The following DNAJC15 variants were observed in gnomAD, a reference collection of about 807,000 sequenced individuals.
The protein encoded by DNAJC15 is DnaJ heat shock protein family (Hsp40) member C15.
DNAJC15 carries 27 observed loss-of-function variants against 22.4 expected under a neutral mutation model. That is an observed-to-expected ratio of 1.20 (90% confidence interval 0.89 to 1.66). The LOEUF is 1.66. DNAJC15 is among the 40% of genes most tolerant of loss of function. DNAJC15 has a pLI of 0.00. For missense variants in DNAJC15, 208 were observed against 187.1 expected (o/e 1.11, Z -0.65); for synonymous variants, 79 against 63.2 (o/e 1.25, Z -1.19).
At chr13:43,069,151 A>T (rs1335452720) in intron 3 of DNAJC15, 148 bp downstream of exon 3, 1 of 700,784 alleles carries the variant, frequency 1.4e-6, no homozygotes, top group African/African-American at 1.8e-5. Flanking sequence ...TGTCTAATTT[A>T]CTGGCTCAGT....
At position 43,031,287 on chromosome 13, in the gene DNAJC15, T is replaced by A. The variant is rs557805150; in HGVS notation, c.108+7553T>A. On this transcript the variant is annotated intron_variant, in intron 1 of 5. Transcript: ENST00000379221. ...ATCAAGGAAGAAAAATAGGGAAAGG[T>A]AGGTTGGGTTAACAACTGTAGATAG... Among the ~76,000 whole-genome samples the A allele has an allele frequency of 2.6e-5, 4 of 152,338 alleles. No homozygotes were observed. In the South Asian group the frequency reaches 8.3e-4, roughly 32 times the overall value.
intron 5 of DNAJC15, among the ~76,000 whole-genome samples, chr13:43,106,375 T>C (rs1256976019): frequency 1.3e-5 from 2 of 152,182 alleles, no homozygotes; most frequent in African/African-American, 4.8e-5. Context: ...AGTTTGGTGC[T>C]AGTATTTTTG....
At chr13:43,038,801 G>GAAAAAAAAAAAAA (rs562632739) in intron 1 of DNAJC15, among the ~76,000 whole-genome samples, 1 of 107,302 alleles carries the variant, frequency 9.3e-6, no homozygotes, top group African/African-American at 3.3e-5. Flanking sequence ...CAAAAAATAG[G>GAAAAAAAAAAAAA]AAAAAAAAAA....
intron 5 of DNAJC15, among the ~76,000 whole-genome samples, chr13:43,103,542 G>A (rs893348542): frequency 6.6e-6 from 1 of 152,156 alleles, no homozygotes; most frequent in Non-Finnish European, 1.5e-5. Context: ...GAAGTTTGTC[G>A]AGACTTGCTT....
chr13:43,040,924 C>G (rs1237814644), intron 1 of DNAJC15, among the ~76,000 whole-genome samples: 1 of 152,238 alleles, frequency 6.6e-6, no homozygotes, highest in African/African-American at 2.4e-5. Context: ...ACCTCCAGCC[C>G]TAAGGCAGTT....
At chr13:43,086,977 A>ACCTT (rs1306684471) in intron 5 of DNAJC15, among the ~76,000 whole-genome samples, 1 of 152,186 alleles carries the variant, frequency 6.6e-6, no homozygotes, top group Non-Finnish European at 1.5e-5. Flanking sequence ...TTTGGCTTCT[A>ACCTT]CCTTCCAGTC....
At position 43,111,341 on chromosome 13, in the gene DNAJC15, T is replaced by A. The variant is rs1470033227; in HGVS notation, c.*4093T>A. On this transcript the variant is annotated 3_prime_UTR_variant, in exon 6 of 6. Transcript: ENST00000379221. ...AAAAATACATTCTTAAACAGGAAAC[T>A]TTTTCCTTCATACTTTTTAATTAAC... 6.6e-6 allele frequency: 1 copy of A among 152,084 alleles called. No homozygotes were observed. The highest frequency in any genetic ancestry group is 1.5e-5 in the Non-Finnish European group (1 of 68,002). The allele number at this position is 152,084 out of a possible 1,614,324, so 9.4% of individuals were successfully genotyped here.
At chr13:43,063,459 C>A (rs2040568946) in intron 1 of DNAJC15, among the ~76,000 whole-genome samples, 1 of 152,160 alleles carries the variant, frequency 6.6e-6, no homozygotes, top group Non-Finnish European at 1.5e-5. Context: ...TGGGATGCAT[C>A]ACTGTACAAA....
intron 1 of DNAJC15, among the ~76,000 whole-genome samples, chr13:43,046,180 A>G (rs1207284876): frequency 1.3e-5 from 2 of 151,626 alleles, no homozygotes; most frequent in Non-Finnish European, 2.9e-5. Context: ...TTGTAAGGAA[A>G]TTTACCAGAC....
intron 1 of DNAJC15, among the ~76,000 whole-genome samples, chr13:43,038,530 T>TG (rs1402983686): frequency 6.6e-6 from 1 of 152,146 alleles, no homozygotes; most frequent in Non-Finnish European, 1.5e-5. Context: ...CGGTGGCTCA[T>TG]GCCTGTAATC....
chr13:43,112,935 T>C lies in DNAJC15; in HGVS notation c.*5687T>C, dbSNP rs2040831462. 6.6e-6 allele frequency: 1 copy of C among 152,276 alleles called. No homozygotes were observed. The highest frequency in any genetic ancestry group is 1.5e-5 in the Non-Finnish European group (1 of 68,042). 9.4% of individuals were successfully genotyped at this position (152,276 alleles called of 1,614,324 possible). On this transcript the variant is annotated 3_prime_UTR_variant, in exon 6 of 6. Coordinates refer to ENST00000379221, the MANE Select transcript of DNAJC15 (RefSeq NM_013238.3). ...TTTACGAAAGGATCCAGTGTCATTGTGCATCATGGGCAAGGAGTACCTAAT... is the reference window on the plus strand; with the variant it reads ...TTTACGAAAGGATCCAGTGTCATTGCGCATCATGGGCAAGGAGTACCTAAT...
intron 1 of DNAJC15, among the ~76,000 whole-genome samples, chr13:43,032,561 C>T (rs1330026072): frequency 5.3e-5 from 8 of 152,154 alleles, no homozygotes; most frequent in Admixed American, 3.3e-4. Context: ...TGGTGGCTCA[C>T]GCTTGTAATC....
rs1363493235 is a variant in DNAJC15, at chr13:43,111,184, A to G, written c.*3936A>G. On this transcript the variant is annotated 3_prime_UTR_variant, in exon 6 of 6. Transcript: ENST00000379221. ...GGAAAAAATGTTGGGCTTGGAATAC[A>G]TTGTTTAGTCTTCAAAGCACTTTAC... is the stretch of plus-strand genomic sequence containing the variant. 1 of 152,206 alleles carries G rather than the reference A, an allele frequency of 6.6e-6. No homozygotes were observed. Among genetic ancestry groups the G allele is most frequent in the East Asian group, 1.9e-4 (1 of 5,200 alleles). 9.4% of individuals were successfully genotyped at this position (152,206 alleles called of 1,614,324 possible).
At chr13:43,042,987 G>C (rs2040460692) in intron 1 of DNAJC15, among the ~76,000 whole-genome samples, 1 of 152,244 alleles carries the variant, frequency 6.6e-6, no homozygotes, top group Non-Finnish European at 1.5e-5. Context: ...TGGCAAGCCT[G>C]TGATGAGTTC....
intron 1 of DNAJC15, among the ~76,000 whole-genome samples, chr13:43,034,569 C>T (rs2040420550): frequency 2.0e-5 from 3 of 151,928 alleles, no homozygotes; most frequent in Admixed American, 1.3e-4. Context: ...CCCGCCTCGG[C>T]CTCCCAAAGT....
intron 1 of DNAJC15, among the ~76,000 whole-genome samples, chr13:43,050,063 C>T (rs1346066945): frequency 6.6e-6 from 1 of 152,100 alleles, no homozygotes; most frequent in Non-Finnish European, 1.5e-5. Context: ...GGGCTACAGG[C>T]ACCTGCCAAC....
At chr13:43,040,234 C>G (rs1413881854) in intron 1 of DNAJC15, among the ~76,000 whole-genome samples, 4 of 152,138 alleles carry the variant, frequency 2.6e-5, no homozygotes, top group Non-Finnish European at 4.4e-5. Flanking sequence ...CCATCAAGAC[C>G]CACAAAGCAA....
At chr13:43,046,801 C>T (rs150826131) in intron 1 of DNAJC15, among the ~76,000 whole-genome samples, 3 of 152,286 alleles carry the variant, frequency 2.0e-5, no homozygotes, top group Non-Finnish European at 2.9e-5. Flanking sequence ...TGTTTGCTGC[C>T]GTCGCAGACC....
At chr13:43,085,864 A>G (rs1196088646) in intron 5 of DNAJC15, 26 bp downstream of exon 5, 2 of 1,580,708 alleles carry the variant, frequency 1.3e-6, no homozygotes, top group Non-Finnish European at 8.7e-7. Flanking sequence ...ATTTTTCATA[A>G]TATGTATATC....
Sources: allele counts gnomAD v4.1 joint callset (sites outside exome capture counted in the v4.1 genomes callset), GRCh38; gene constraint gnomAD v4.1.1; transcripts MANE v1.5; gene names NCBI Gene and HGNC (gene_info 2026-07-23, HGNC 2026-07-21).